The following TEK variants were observed in gnomAD, a reference collection of about 807,000 sequenced individuals.
TEK encodes the protein angiopoietin-1 receptor.
In TEK, 43 loss-of-function variants were observed where a neutral mutation model predicts 131.8. That is an observed-to-expected ratio of 0.33 (90% CI 0.26 to 0.42). The LOEUF is 0.42. Among genes scored for constraint, TEK ranks in the 10% least tolerant of loss-of-function variants. The pLI, the probability that TEK is intolerant of heterozygous loss-of-function variation, is 1.00. For missense variants in TEK, 1,162 were observed against 1,384.4 expected (o/e 0.84, Z 2.55); for synonymous variants, 580 against 491.6 (o/e 1.18, Z -2.38).
intron 1 of TEK, among the ~76,000 whole-genome samples, chr9:27,114,682 T>C (rs1436004503): frequency 6.6e-6 from 1 of 152,254 alleles, no homozygotes; most frequent in Non-Finnish European, 1.5e-5. Flanking sequence ...TAAATGATAT[T>C]CACTCTCATC....
chr9:27,200,730 T>C (rs1587005287), intron 12 of TEK, among the ~76,000 whole-genome samples: 1 of 152,212 alleles, frequency 6.6e-6, no homozygotes, highest in African/African-American at 2.4e-5. Flanking sequence ...ATTTGGCGTA[T>C]CACCCCAATC....
intron 9 of TEK, among the ~76,000 whole-genome samples, chr9:27,190,315 G>T (rs1824770265): frequency 6.6e-6 from 1 of 152,132 alleles, no homozygotes; most frequent in Non-Finnish European, 1.5e-5. Context: ...GAGCAAAGGG[G>T]CACATTTATT....
chr9:27,218,442 T>C (rs1035833166), intron 19 of TEK, among the ~76,000 whole-genome samples: 1 of 152,128 alleles, frequency 6.6e-6, no homozygotes, highest in Admixed American at 6.5e-5. Flanking sequence ...AGCAACTGTT[T>C]CCAGGTCACA....
intron 1 of TEK, among the ~76,000 whole-genome samples, chr9:27,113,223 A>G (rs1821414776): frequency 2.0e-5 from 3 of 152,108 alleles, no homozygotes; most frequent in Admixed American, 1.3e-4. Flanking sequence ...TGAAATACCC[A>G]TTTTCCAGGG....
rs566688574 is a variant in TEK at position 27,205,960 on chromosome 9, G to T, written c.2365-622G>T. ...GCTGGAGAAGAAGGGCCAGCAAGGG[G>T]GTTGGGAGTGCTGAGCCTGTCAAAA... is the stretch of plus-strand genomic sequence containing the variant. On this transcript the variant is annotated intron_variant, in intron 14 of 22. Transcript: ENST00000380036. Among the ~76,000 whole-genome samples, 9 of 109,962 alleles carry T rather than the reference G, an allele frequency of 8.2e-5. No individual in the cohort carries two copies. The South Asian group carries it at 2.4e-3, about 29-fold the overall frequency. The allele number at this position is 109,962 out of a possible 152,430, so 72.1% of individuals were successfully genotyped here.
chr9:27,146,720 A>ATT (rs34727945), intron 1 of TEK, among the ~76,000 whole-genome samples: 2,902 of 113,654 alleles, frequency 0.026, 114 homozygotes, highest in Non-Finnish European at 0.039. Flanking sequence ...TAAACATTCT[A>ATT]TTTTTTTTTT....
At chr9:27,172,143 A>G (rs1177315045) in intron 4 of TEK, among the ~76,000 whole-genome samples, 1 of 151,106 alleles carries the variant, frequency 6.6e-6, no homozygotes, top group African/African-American at 2.5e-5. Context: ...GTTGGGTGGG[A>G]TCTGGGGTTT....
chr9:27,169,696 A>C, intron 4 of TEK, 67 bp downstream of exon 4: 1 of 1,605,860 alleles, frequency 6.2e-7, no homozygotes, highest in Non-Finnish European at 8.5e-7. Flanking sequence ...TTTAGTTGCA[A>C]ATAACAGAAA....
At chr9:27,214,140 T>A (rs1372230137) in intron 18 of TEK, among the ~76,000 whole-genome samples, 1 of 152,160 alleles carries the variant, frequency 6.6e-6, no homozygotes, top group East Asian at 1.9e-4. Flanking sequence ...ATTTTATCTT[T>A]AAGTACAAGA....
intron 18 of TEK, among the ~76,000 whole-genome samples, chr9:27,216,553 G>C (rs1234897861): frequency 1.3e-5 from 2 of 152,124 alleles, no homozygotes; most frequent in African/African-American, 2.4e-5. Flanking sequence ...AGGAGGTGTG[G>C]ATGTGGAGGA....
intron 1 of TEK, among the ~76,000 whole-genome samples, chr9:27,140,352 C>T (rs1383463197): frequency 7.3e-6 from 1 of 137,508 alleles, no homozygotes. Flanking sequence ...GGTTCTCACC[C>T]AAAGAAACAG....
chr9:27,137,798 G>A (rs1278407961), intron 1 of TEK, among the ~76,000 whole-genome samples: 2 of 152,174 alleles, frequency 1.3e-5, no homozygotes, highest in African/African-American at 2.4e-5. Context: ...TCTTTAGTTA[G>A]GTTTATTTTT....
chr9:27,207,587 T>G (rs1278372686), intron 15 of TEK, among the ~76,000 whole-genome samples: 4 of 152,228 alleles, frequency 2.6e-5, no homozygotes, highest in African/African-American at 9.6e-5. Flanking sequence ...TGTCTTCTCT[T>G]CTGCATGAAA....
At chr9:27,200,631 T>C (rs1825181536) in intron 12 of TEK, among the ~76,000 whole-genome samples, 1 of 152,216 alleles carries the variant, frequency 6.6e-6, no homozygotes, top group African/African-American at 2.4e-5. Context: ...TGTTCATAAG[T>C]AAAATTAATA....
chr9:27,186,997 TA>T (rs1263408575), intron 9 of TEK, among the ~76,000 whole-genome samples: 1 of 152,162 alleles, frequency 6.6e-6, no homozygotes, highest in Non-Finnish European at 1.5e-5. Flanking sequence ...TTCACGTGAT[TA>T]AAATAATTTC....
chr9:27,190,689 A>G lies in TEK; in HGVS notation c.1488A>G (p.Gln496=). 6.2e-7 allele frequency: 1 copy of G among 1,613,936 alleles called. No homozygotes were observed. Among genetic ancestry groups the G allele is most frequent in the South Asian group, 1.1e-5 (1 of 91,078 alleles). Residue 496 remains glutamine, a splice_region_variant and synonymous_variant, in exon 10 of 23, where the codon CAA becomes CAG. Coordinates refer to ENST00000380036, the MANE Select transcript of TEK (RefSeq NM_000459.5). ...ACTATGAGGCTTGGCAACATATTCAAGGTAAGCTTTGGACAGGATAGATGC... is the reference window on the plus strand; with the variant it reads ...ACTATGAGGCTTGGCAACATATTCAGGGTAAGCTTTGGACAGGATAGATGC... The part of the protein sequence containing the change: ...VNHYEAWQHI[Q]VTNEIVTLNY...
intron 9 of TEK, 76 bp downstream of exon 9, chr9:27,185,705 T>G: frequency 6.3e-7 from 1 of 1,579,728 alleles, no homozygotes; most frequent in East Asian, 2.3e-5. Context: ...TAGACAGAAA[T>G]GTATGCGACC....
At chr9:27,163,258 C>T (rs1370748798) in intron 2 of TEK, among the ~76,000 whole-genome samples, 11 of 152,152 alleles carry the variant, frequency 7.2e-5, no homozygotes, top group Non-Finnish European at 1.6e-4. Context: ...AGAAGCCTGG[C>T]TTTAACCATC....
chr9:27,168,483 C>G lies in TEK; in HGVS notation c.365-12C>G. ...ATCCCATTTTTGGTATTTGTTTTCTCTCTTTTAAAAGCTTCCTTCCTACCA... is the reference window on the plus strand; with the variant it reads ...ATCCCATTTTTGGTATTTGTTTTCTGTCTTTTAAAAGCTTCCTTCCTACCA... On this transcript the variant is annotated splice_polypyrimidine_tract_variant and intron_variant, in intron 2 of 22. Transcript: ENST00000380036. 1 of 1,605,630 alleles carries G rather than the reference C, an allele frequency of 6.2e-7. No individual in the cohort carries two copies. The highest frequency in any genetic ancestry group is 8.5e-7 in the Non-Finnish European group (1 of 1,172,538).
Sources: allele counts gnomAD v4.1 joint callset (sites outside exome capture counted in the v4.1 genomes callset), GRCh38; gene constraint gnomAD v4.1.1; transcripts MANE v1.5; gene names NCBI Gene and HGNC (gene_info 2026-07-23, HGNC 2026-07-21).